Variants in STK32B observed in about 807,000 individuals in gnomAD.
The protein encoded by STK32B is serine/threonine-protein kinase 32B.
In STK32B, 43 loss-of-function variants were observed where a neutral mutation model predicts 52.6. The observed-to-expected ratio is 0.82, with a 90% CI of 0.64 to 1.05. The LOEUF is 1.05. Ranked by LOEUF, STK32B falls within the 50% of genes least tolerant of loss-of-function variation. The probability of loss-of-function intolerance (pLI) is 0.00; values close to 1 mark genes in which losing one functional copy is unlikely to be tolerated. For synonymous variants in STK32B, 238 were observed against 204.3 expected, an observed-to-expected ratio of 1.17 and a Z score of -1.41; for missense variants, 621 against 534.6, an observed-to-expected ratio of 1.16 and a Z score of -1.59.
intron 3 of STK32B, among the ~76,000 whole-genome samples, chr4:5,258,248 G>C (rs768430338): frequency 1.3e-5 from 2 of 152,206 alleles, no homozygotes; most frequent in African/African-American, 4.8e-5. Flanking sequence ...CGTGCAGGGG[G>C]ACAGTGCCTG....
intron 3 of STK32B, among the ~76,000 whole-genome samples, chr4:5,247,152 C>G (rs952773430): frequency 1.6e-4 from 24 of 152,202 alleles, no homozygotes; most frequent in Non-Finnish European, 2.9e-4. Flanking sequence ...TTTTGTTTGT[C>G]TGTGCCCTGC....
At chr4:5,047,252 A>G (rs1206712209), upstream of STK32B, among the ~76,000 whole-genome samples, 1 of 151,036 alleles carries the variant, frequency 6.6e-6, no homozygotes, top group Admixed American at 6.6e-5. Context: ...AAAACTAAAC[A>G]CCACATGTTC....
intron 3 of STK32B, among the ~76,000 whole-genome samples, chr4:5,323,638 T>C (rs1304577272): frequency 6.6e-6 from 1 of 152,200 alleles, no homozygotes; most frequent in East Asian, 1.9e-4. Context: ...TTCTGTACAA[T>C]GCCCCACTTC....
At chr4:5,327,318 G>A (rs1285375425) in intron 3 of STK32B, among the ~76,000 whole-genome samples, 2 of 150,102 alleles carry the variant, frequency 1.3e-5, no homozygotes, top group East Asian at 3.9e-4. Flanking sequence ...TGACAATCTA[G>A]TATGGCGAAT....
intron 3 of STK32B, among the ~76,000 whole-genome samples, chr4:5,225,217 A>C (rs142154598): frequency 1.3e-5 from 2 of 152,062 alleles, no homozygotes; most frequent in African/African-American, 4.8e-5. Flanking sequence ...TCAGGAGTTC[A>C]AGACCAGCCT....
chr4:5,256,739 G>GC (rs1726327648), intron 3 of STK32B, among the ~76,000 whole-genome samples: 1 of 152,184 alleles, frequency 6.6e-6, no homozygotes, highest in Non-Finnish European at 1.5e-5. Context: ...CCTTTTATTA[G>GC]CTGAACTTGG....
At chr4:5,158,512 C>G (rs531449001) in intron 2 of STK32B, among the ~76,000 whole-genome samples, 1 of 152,130 alleles carries the variant, frequency 6.6e-6, no homozygotes, top group Non-Finnish European at 1.5e-5. Flanking sequence ...TTCATTCGTT[C>G]GTAATTGTAT....
intron 3 of STK32B, among the ~76,000 whole-genome samples, chr4:5,201,325 C>G (rs1722123446): frequency 6.6e-6 from 1 of 152,176 alleles, no homozygotes; most frequent in Non-Finnish European, 1.5e-5. Flanking sequence ...CCCCATTTGC[C>G]CTGGGAGACC....
At chr4:5,103,660 G>A (rs916553918) in intron 1 of STK32B, among the ~76,000 whole-genome samples, 3 of 152,092 alleles carry the variant, frequency 2.0e-5, no homozygotes, top group African/African-American at 7.2e-5. Flanking sequence ...CCTGGGCCAC[G>A]GAGTTTGCCC....
chr4:5,050,251 T>C (rs954624143), upstream of STK32B, among the ~76,000 whole-genome samples: 1 of 152,150 alleles, frequency 6.6e-6, no homozygotes, highest in East Asian at 1.9e-4. Context: ...CTGATATAAT[T>C]CTCACAGACA....
chr4:5,425,940 C>T (rs116390584), intron 6 of STK32B, among the ~76,000 whole-genome samples: 3 of 152,226 alleles, frequency 2.0e-5, no homozygotes, highest in African/African-American at 4.8e-5. Flanking sequence ...TTACTCATGA[C>T]GTGTGTATCA....
chr4:5,480,953 G>C (rs374841786), intron 11 of STK32B, among the ~76,000 whole-genome samples: 15 of 152,232 alleles, frequency 9.9e-5, no homozygotes, highest in Middle Eastern at 3.4e-3. Flanking sequence ...TGGTGTATAT[G>C]TGCCACATTC....
At chr4:5,149,939 A>G (rs544201308) in intron 2 of STK32B, among the ~76,000 whole-genome samples, 28 of 151,960 alleles carry the variant, frequency 1.8e-4, no homozygotes, top group African/African-American at 5.8e-4. Flanking sequence ...ATTTTATTTT[A>G]TCTGAAATAT....
chr4:5,294,000 G>A (rs1459882041), intron 3 of STK32B, among the ~76,000 whole-genome samples: 3 of 152,068 alleles, frequency 2.0e-5, no homozygotes, highest in African/African-American at 7.2e-5. Flanking sequence ...TCAGTTTTCT[G>A]CATATGCCTA....
At chr4:5,486,572 G>A (rs371215056) in intron 11 of STK32B, among the ~76,000 whole-genome samples, 4 of 152,346 alleles carry the variant, frequency 2.6e-5, no homozygotes, top group East Asian at 1.9e-4. Context: ...CTCACGCTCG[G>A]TGCGCTGCAC....
chr4:5,159,253 G>A (rs1172401635), intron 2 of STK32B, among the ~76,000 whole-genome samples: 2 of 152,080 alleles, frequency 1.3e-5, no homozygotes, highest in Non-Finnish European at 2.9e-5. Context: ...TTGGAATCAA[G>A]TAACAAGCTG....
At chr4:5,480,801 C>A (rs1041512060) in intron 11 of STK32B, among the ~76,000 whole-genome samples, 1 of 150,726 alleles carries the variant, frequency 6.6e-6, no homozygotes, top group Non-Finnish European at 1.5e-5. Flanking sequence ...TCTCATTGTT[C>A]AATTCCCACC....
chr4:5,376,599 G>A (rs1179846757), intron 4 of STK32B, among the ~76,000 whole-genome samples: 8 of 152,024 alleles, frequency 5.3e-5, no homozygotes, highest in Non-Finnish European at 2.9e-5. Flanking sequence ...AAGGGCACAC[G>A]GATCCCTGGA....
upstream of STK32B, among the ~76,000 whole-genome samples, chr4:5,047,126 G>A (rs1201818196): frequency 6.6e-6 from 1 of 152,130 alleles, no homozygotes; most frequent in Non-Finnish European, 1.5e-5. Flanking sequence ...AAGAAAATGT[G>A]GTACATATAC....
Sources: gnomAD v4.1 joint callset for allele counts (sites outside exome capture counted in the v4.1 genomes callset) on GRCh38, gnomAD v4.1.1 for gene constraint, MANE v1.5 for transcripts, NCBI Gene and HGNC (gene_info 2026-07-23, HGNC 2026-07-21) for gene names.